The following ETV4 variants were observed in gnomAD, a reference collection of about 807,000 sequenced individuals.
ETV4 encodes the protein ETS variant transcription factor 4.
Under a neutral mutation model 65.9 loss-of-function variants are expected in ETV4, and 42 were observed. The observed-to-expected ratio is 0.64, with a 90% CI of 0.50 to 0.82. The LOEUF (loss-of-function observed/expected upper bound fraction) is 0.82. Ranked by LOEUF, ETV4 falls within the 40% of genes least tolerant of loss-of-function variation. The pLI is 0.00. For missense variants in ETV4, 583 were observed against 630.3 expected (o/e 0.92, Z 0.80); for synonymous variants, 238 against 260.0 (o/e 0.92, Z 0.81).
chr17:43,537,720 C>T (rs906587108), intron 4 of ETV4, among the ~76,000 whole-genome samples: 2 of 151,578 alleles, frequency 1.3e-5, no homozygotes, highest in African/African-American at 4.8e-5. Context: ...AAAGGCCGGG[C>T]ATGGTGGCTC....
Position 43,528,649 on chromosome 17 carries a change from G to A in ETV4, c.1325C>T (p.Ala442Val). 1.2e-6 allele frequency: 2 copies of A among 1,614,172 alleles called. No homozygotes were observed. The highest frequency in any genetic ancestry group is 1.6e-4 in the Middle Eastern group (1 of 6,062). Residue 442 changes from alanine to valine, a missense_variant, in exon 13 of 13, where the codon GCT becomes GTT. By Grantham distance (64) the Ala-to-Val change is moderately conservative (BLOSUM62 0). Coordinates refer to ENST00000319349, the MANE Select transcript of ETV4 (RefSeq NM_001079675.5). ...FPDNQRPALKAEFDRPVSEED... is the reference protein window; with the variant it reads ...FPDNQRPALKVEFDRPVSEED... ...CTCACTGACAGGCCGGTCAAACTCA[G>A]CCTTGAGAGCTGGACGCTGATTGTC... is the stretch of plus-strand genomic sequence containing the variant.
At chr17:43,534,106 C>T (rs555968957) in intron 5 of ETV4, 121 bp from the exon 6 acceptor site, 1 of 1,113,814 alleles carries the variant, frequency 9.0e-7, no homozygotes, top group Non-Finnish European at 1.2e-6. Flanking sequence ...CCTTCCCTCT[C>T]TGGGTATCAA....
At position 43,529,506 on chromosome 17, in the gene ETV4, C is replaced by T. The variant is rs768920741; in HGVS notation, c.1126G>A (p.Glu376Lys). The T allele has an allele frequency of 1.2e-5, 20 of 1,609,200 alleles. No homozygotes were observed. The highest frequency in any genetic ancestry group is 1.7e-5 in the Non-Finnish European group (20 of 1,177,010). The change falls in exon 11 of 13, where the codon GAG becomes AAG. Residue 376 changes from glutamate to lysine, a missense_variant and splice_region_variant. Coordinates refer to ENST00000319349, the MANE Select transcript of ETV4 (RefSeq NM_001079675.5). ...CTGGGAACATCCGAGAGGCCCACCT[C>T]CTCAGGCTCAATGAGCTTGAACTCC... Reference protein sequence around the residue: ...GMEFKLIEPEEVARLWGIQKN... With the variant: ...GMEFKLIEPEKVARLWGIQKN...
chr17:43,531,725 A>T (rs1336902313), intron 8 of ETV4, among the ~76,000 whole-genome samples: 1 of 152,148 alleles, frequency 6.6e-6, no homozygotes, highest in Admixed American at 6.5e-5. Flanking sequence ...AAAACAAAAC[A>T]AGAAAACCCT....
chr17:43,544,260 A>T (rs577087850), intron 4 of ETV4: 1 of 153,058 alleles, frequency 6.5e-6, no homozygotes, highest in Admixed American at 6.5e-5. Flanking sequence ...CCAGCCACGG[A>T]CCCAGCCACG....
At position 43,541,003 on chromosome 17, in the gene ETV4, A is replaced by T. The variant is rs188039457; in HGVS notation, c.202+3972T>A. The stretch of plus-strand genomic sequence containing the variant: ...CGTCACTGGTGCTGGAGAGCAGAGA[A>T]CCCTCAGCATCATCTTGCCTTTCTT... On this transcript the variant is annotated intron_variant, in intron 4 of 12. Coordinates refer to ENST00000319349, the MANE Select transcript of ETV4 (RefSeq NM_001079675.5). Among the ~76,000 whole-genome samples, 17 of 152,166 alleles carry T rather than the reference A, an allele frequency of 1.1e-4. No homozygotes were observed. The East Asian group carries it at 3.3e-3, about 29-fold the overall frequency.
chr17:43,530,607 CGCGTGTGTGT>C (rs750213225), intron 8 of ETV4, among the ~76,000 whole-genome samples: 11 of 138,736 alleles, frequency 7.9e-5, no homozygotes, highest in South Asian at 4.9e-4. Context: ...TGTGCACGCG[CGCGTGTGTGT>C]GTGTGTGTGT....
chr17:43,532,860 AG>A lies in ETV4; in HGVS notation c.624del (p.Tyr209ThrfsTer50). 2 of 1,613,120 alleles carry A rather than the reference AG, an allele frequency of 1.2e-6. No homozygotes were observed. The highest frequency in any genetic ancestry group is 1.7e-6 in the Non-Finnish European group (2 of 1,179,336). On this transcript the variant is annotated frameshift_variant, in exon 8 of 13. Transcript: ENST00000319349. LOFTEE classifies it high-confidence loss of function. ...QGGGREPLPA[P>X]YQHQLSEPCP... The stretch of plus-strand genomic sequence containing the variant: ...CAGGGCTCCGACAGCTGGTGTTGGT[AG>A]GGGGCTGGGAGGGGTTCCCGGCCCC...
chr17:43,532,554 AGTG>A, intron 8 of ETV4, 117 bp downstream of exon 8: 1 of 904,940 alleles, frequency 1.1e-6, no homozygotes, highest in Non-Finnish European at 1.7e-6. Flanking sequence ...GAAGAAAAAA[AGTG>A]GGTGGGTGGG....
chr17:43,545,699 C>G, intron 1 of ETV4, 31 bp from the exon 2 acceptor site: 1 of 1,168,040 alleles, frequency 8.6e-7, no homozygotes, highest in Non-Finnish European at 1.2e-6. Context: ...GTTCGCACAC[C>G]GTCCAGGGAG....
At chr17:43,536,192 A>C (rs944936816) in intron 5 of ETV4, 1 of 551,984 alleles carries the variant, frequency 1.8e-6, no homozygotes, top group Non-Finnish European at 3.2e-6. Context: ...CACTTCAGAT[A>C]TAAGGCAATG....
At chr17:43,542,117 C>A (rs796881715) in intron 4 of ETV4, among the ~76,000 whole-genome samples, 8 of 152,152 alleles carry the variant, frequency 5.3e-5, no homozygotes, top group African/African-American at 1.9e-4. Context: ...GGACTGGAGC[C>A]CTTGGAGGAG....
At chr17:43,543,276 ACTCTCT>A (rs60214474) in intron 4 of ETV4, among the ~76,000 whole-genome samples, 3 of 138,138 alleles carry the variant, frequency 2.2e-5, no homozygotes, top group South Asian at 4.9e-4. Context: ...ACACACACAC[ACTCTCT>A]CTCTCTCTCT....
intron 11 of ETV4, 86 bp downstream of exon 11, chr17:43,529,418 G>A (rs1158423559): frequency 1.1e-5 from 17 of 1,493,406 alleles, no homozygotes; most frequent in East Asian, 9.3e-5. Context: ...AATCATGATG[G>A]AGGCACGTGC....
chr17:43,529,658 C>A lies in ETV4; in HGVS notation c.974G>T (p.Gly325Val). The change falls in exon 11 of 13, where the codon GGG becomes GTG. Residue 325 changes from glycine to valine, a missense_variant. Transcript: ENST00000319349. ...CGGCCCCTCTCGAAATGCACCGACC[C>A]CTTCCTGCTTGATGTCTCCTGGGGA... is the stretch of plus-strand genomic sequence containing the variant. ...EKFEGDIKQEGVGAFREGPPY... is the reference protein window; with the variant it reads ...EKFEGDIKQEVVGAFREGPPY... The A allele has an allele frequency of 6.2e-7, 1 of 1,612,704 alleles. No homozygotes were observed. Among genetic ancestry groups the A allele is most frequent in the Non-Finnish European group, 8.5e-7 (1 of 1,179,218 alleles).
In ETV4 at chr17:43,528,352, TG is replaced by T; in HGVS notation, c.*166del. ...CCATTTCTCCACTTTTCCTTCCCAA[TG>T]ACTCCGGTGAGCAGCTCAGAGTCTG... On this transcript the variant is annotated 3_prime_UTR_variant, in exon 13 of 13. Transcript: ENST00000319349. 1.9e-6 allele frequency: 1 copy of T among 527,074 alleles called. No individual in the cohort carries two copies. The allele number at this position is 527,074 out of a possible 1,614,324, so 32.6% of individuals were successfully genotyped here.
intron 6 of ETV4, 64 bp from the exon 7 acceptor site, chr17:43,533,412 C>T (rs1429918131): frequency 3.4e-6 from 5 of 1,492,160 alleles, no homozygotes; most frequent in Non-Finnish European, 4.6e-6. Context: ...TTGAACCCTT[C>T]ATTCCTAGGA....
At position 43,529,630 on chromosome 17, in the gene ETV4, G is replaced by C; in HGVS notation, c.1002C>G (p.Pro334=). The C allele has an allele frequency of 1.9e-6, 3 of 1,613,990 alleles. No homozygotes were observed. The highest frequency in any genetic ancestry group is 2.5e-6 in the Non-Finnish European group (3 of 1,179,946). Residue 334 remains proline, a synonymous_variant, in exon 11 of 13, where the codon CCC becomes CCG. Transcript: ENST00000319349. The part of the protein sequence containing the change: ...EGVGAFREGP[P]YQRRGALQLW... ...GCTGCAGGGCACCCCGGCGCTGGTAGGGCGGCCCCTCTCGAAATGCACCGA... is the reference window on the plus strand; with the variant it reads ...GCTGCAGGGCACCCCGGCGCTGGTACGGCGGCCCCTCTCGAAATGCACCGA...
intron 8 of ETV4, chr17:43,530,567 T>C: frequency 1.9e-6 from 1 of 520,210 alleles, no homozygotes; most frequent in Non-Finnish European, 3.0e-6. Flanking sequence ...TGGACAAAAA[T>C]GTCCGGTCAG....
Sources: gnomAD v4.1 joint callset for allele counts (sites outside exome capture counted in the v4.1 genomes callset) on GRCh38, gnomAD v4.1.1 for gene constraint, MANE v1.5 for transcripts, NCBI Gene and HGNC (gene_info 2026-07-23, HGNC 2026-07-21) for gene names.